PRKDC: variants seen among roughly 807,000 people sequenced by gnomAD.
The protein encoded by PRKDC is protein kinase, DNA-activated, catalytic subunit, also known as DNA-dependent protein kinase catalytic subunit.
PRKDC carries 82 observed loss-of-function variants against 486.9 expected under a neutral mutation model. That is an observed-to-expected ratio of 0.17 (90% confidence interval 0.14 to 0.20). The LOEUF (loss-of-function observed/expected upper bound fraction) is 0.20. PRKDC is among the 10% of genes least tolerant of loss of function. PRKDC has a pLI of 1.00. For synonymous variants in PRKDC, 1,895 were observed against 1,837.0 expected, an observed-to-expected ratio of 1.03 and a Z score of -0.81; for missense variants, 4,504 against 5,038.2, an observed-to-expected ratio of 0.89 and a Z score of 3.21.
chr8:47,911,287 G>C (rs995532209), intron 25 of PRKDC, among the ~76,000 whole-genome samples: 2 of 152,226 alleles, frequency 1.3e-5, no homozygotes, highest in African/African-American at 2.4e-5. Context: ...CCCAGAAACA[G>C]GCCATGCTCC....
chr8:47,840,008 T>G lies in PRKDC; in HGVS notation c.7454+8A>C. 1.3e-6 allele frequency: 2 copies of G among 1,526,474 alleles called. No homozygotes were observed. Among genetic ancestry groups the G allele is most frequent in the South Asian group, 2.4e-5 (2 of 81,756 alleles). 94.6% of individuals were successfully genotyped at this position (1,526,474 alleles called of 1,614,324 possible). ...GTAACAAAATAAAATAGTCAATGTA[T>G]AGCTTACCTGTAATTATCATGAATC... is the stretch of plus-strand genomic sequence containing the variant. On this transcript the variant is annotated splice_region_variant and intron_variant, in intron 55 of 85. Coordinates refer to ENST00000314191, the MANE Select transcript of PRKDC (RefSeq NM_006904.7).
chr8:47,855,087 G>T (rs1014098151), intron 50 of PRKDC, 135 bp downstream of exon 50: 4 of 976,878 alleles, frequency 4.1e-6, no homozygotes, highest in African/African-American at 1.7e-5. Context: ...GGAGGCTGTG[G>T]TTTTATTAGT....
At chr8:47,951,744 A>C (rs1324013825) in intron 7 of PRKDC, among the ~76,000 whole-genome samples, 1 of 151,908 alleles carries the variant, frequency 6.6e-6, no homozygotes, top group Non-Finnish European at 1.5e-5. Flanking sequence ...AAAGAAAGAA[A>C]ATGATATCTA....
At chr8:47,795,204 T>C (rs1483363041) in intron 73 of PRKDC, among the ~76,000 whole-genome samples, 1 of 149,014 alleles carries the variant, frequency 6.7e-6, no homozygotes, top group Non-Finnish European at 1.5e-5. Flanking sequence ...TTTTTTTTTT[T>C]TTCTTGAGAC....
intron 36 of PRKDC, among the ~76,000 whole-genome samples, chr8:47,885,173 CAG>C (rs778005556): frequency 6.6e-6 from 1 of 152,168 alleles, no homozygotes; most frequent in Non-Finnish European, 1.5e-5. Flanking sequence ...TTTTTTAAGA[CAG>C]AGTCTCGCTT....
chr8:47,882,166 T>G, intron 36 of PRKDC, 69 bp from the exon 37 acceptor site: 1 of 1,413,206 alleles, frequency 7.1e-7, no homozygotes, highest in African/African-American at 1.4e-5. Flanking sequence ...AAAATTTACC[T>G]TTATTTCAAA....
In PRKDC at chr8:47,886,012, C is replaced by T. The variant is rs1278910172; in HGVS notation, c.4708G>A (p.Glu1570Lys). 4 of 1,613,904 alleles carry T rather than the reference C, an allele frequency of 2.5e-6. No individual in the cohort carries two copies. Among genetic ancestry groups the T allele is most frequent in the Non-Finnish European group, 3.4e-6 (4 of 1,179,886 alleles). Residue 1570 changes from glutamate (E) to lysine (K), a missense_variant, in exon 36 of 86, where the codon GAA becomes AAA. By Grantham distance (56) the Glu-to-Lys change is moderately conservative (BLOSUM62 1). Transcript: ENST00000314191. ...YSLFSETINT[E>K]LLKNLDLAVL... The stretch of plus-strand genomic sequence containing the variant: ...GCAAGATCCAGATTTTTCAATAATT[C>T]CGTGTTGATCGTTTCTGAGAACAAG...
In PRKDC at chr8:47,855,290, A is replaced by C; in HGVS notation, c.6693T>G (p.Phe2231Leu). 1 of 1,603,088 alleles carries C rather than the reference A, an allele frequency of 6.2e-7. No individual in the cohort carries two copies. Among genetic ancestry groups the C allele is most frequent in the Non-Finnish European group, 8.5e-7 (1 of 1,174,066 alleles). The change falls in exon 50 of 86, where the codon TTT becomes TTG. Residue 2231 changes from phenylalanine to leucine, a missense_variant. By Grantham distance (22) the Phe-to-Leu change is conservative. This residue lies in a region of PRKDC where 1,592 missense variants were observed against 1,724.6 expected (regional missense o/e 0.92). Transcript: ENST00000314191. ...TCTTTATAATTTCAAGGTTGTGTCT[A>C]AACACAGCTCTTTTTGGATGAAAGA... ...KHVFHPKRAV[F>L]RHNLEIIKTL...
At chr8:47,806,045 T>A (rs1418765584) in intron 69 of PRKDC, among the ~76,000 whole-genome samples, 3 of 152,150 alleles carry the variant, frequency 2.0e-5, no homozygotes, top group Non-Finnish European at 2.9e-5. Flanking sequence ...CCCAGTGCCA[T>A]CCCATGTCCA....
chr8:47,951,605 T>G (rs1353124706), intron 7 of PRKDC, among the ~76,000 whole-genome samples: 2 of 151,894 alleles, frequency 1.3e-5, no homozygotes, highest in African/African-American at 4.8e-5. Flanking sequence ...TCCTAGCTAC[T>G]TGGGAGGCTA....
In PRKDC at chr8:47,785,298, T is replaced by C; in HGVS notation, c.10922A>G (p.Asp3641Gly). 6.3e-7 allele frequency: 1 copy of C among 1,591,410 alleles called. No homozygotes were observed. Among genetic ancestry groups the C allele is most frequent in the Non-Finnish European group, 8.6e-7 (1 of 1,167,258 alleles). The change falls in exon 77 of 86, where the codon GAT becomes GGT. Residue 3641 changes from aspartate to glycine, a missense_variant. This residue lies in a region of PRKDC where 706 missense variants were observed against 945.0 expected (regional missense o/e 0.75). Transcript: ENST00000314191. Reference protein sequence around the residue: ...KFIQTFGKEFDKHFGKGGSKL... With the variant: ...KFIQTFGKEFGKHFGKGGSKL... ...AGAACCTCCTTTCCCAAAATGTTTA[T>C]CAAATTCTTTTCCAAAAGTCTGAAA...
intron 58 of PRKDC, among the ~76,000 whole-genome samples, chr8:47,835,467 T>G (rs950026896): frequency 6.6e-5 from 10 of 151,196 alleles, no homozygotes; most frequent in African/African-American, 2.2e-4. Flanking sequence ...AATACAAAAA[T>G]TTAGCCAGGC....
chr8:47,828,377 AGGATCTG>A, intron 61 of PRKDC, 30 bp from the exon 62 acceptor site: 1 of 1,520,196 alleles, frequency 6.6e-7, no homozygotes, highest in Non-Finnish European at 8.8e-7. Context: ...AAGACAAATT[AGGATCTG>A]AAGCAAAAAT....
At chr8:47,920,455 T>C (rs1055322673) in intron 21 of PRKDC, among the ~76,000 whole-genome samples, 3 of 152,210 alleles carry the variant, frequency 2.0e-5, no homozygotes, top group Admixed American at 1.3e-4. Flanking sequence ...ATTGATAAAT[T>C]AGATTATAAA....
chr8:47,819,534 A>AG (rs761793510), intron 66 of PRKDC, 24 bp from the exon 67 acceptor site: 3 of 1,064,698 alleles, frequency 2.8e-6, no homozygotes, highest in South Asian at 3.5e-5. Context: ...AAAAAAAAAA[A>AG]GGGCATTTAC....
At chr8:47,901,559 TA>T (rs1432929545) in intron 27 of PRKDC, among the ~76,000 whole-genome samples, 1 of 152,104 alleles carries the variant, frequency 6.6e-6, no homozygotes, top group East Asian at 1.9e-4. Context: ...AAGAGCAGAC[TA>T]GAGGAAAGCT....
intron 74 of PRKDC, among the ~76,000 whole-genome samples, chr8:47,793,252 T>C (rs1038439601): frequency 6.6e-6 from 1 of 152,208 alleles, no homozygotes; most frequent in Non-Finnish European, 1.5e-5. Flanking sequence ...ACAATAGCTG[T>C]CTGTTCAGAG....
chr8:47,792,152 G>C (rs779961075), intron 74 of PRKDC, among the ~76,000 whole-genome samples: 13 of 152,054 alleles, frequency 8.5e-5, no homozygotes, highest in South Asian at 4.2e-4. Context: ...CTGAACTCGT[G>C]GGGAGGGGAG....
intron 38 of PRKDC, among the ~76,000 whole-genome samples, chr8:47,880,295 T>C (rs1358113151): frequency 6.6e-6 from 1 of 152,216 alleles, no homozygotes; most frequent in Non-Finnish European, 1.5e-5. Flanking sequence ...AAGCTTTGTG[T>C]AGAAAGAACA....
Sources: gnomAD v4.1 joint callset for allele counts (sites outside exome capture counted in the v4.1 genomes callset) on GRCh38, gnomAD v4.1.1 for gene constraint, gnomAD v4.1.1 regional missense constraint, MANE v1.5 for transcripts, NCBI Gene and HGNC (gene_info 2026-07-23, HGNC 2026-07-21) for gene names.